The following ABCC1 variants were observed in gnomAD, a reference collection of about 807,000 sequenced individuals.
The protein encoded by ABCC1 is ATP binding cassette subfamily C member 1 (ABCC1 blood group), also known as multidrug resistance-associated protein 1.
A neutral mutation model predicts 172.9 loss-of-function variants in ABCC1; 83 were observed. That is an observed-to-expected ratio of 0.48 (90% CI 0.40 to 0.58). The LOEUF is 0.58. Among genes scored for constraint, ABCC1 ranks in the 20% least tolerant of loss-of-function variants. The pLI is 0.00. For synonymous variants in ABCC1, 937 were observed against 825.2 expected, an observed-to-expected ratio of 1.14 and a Z score of -2.32; for missense variants, 1,817 against 2,002.7, an observed-to-expected ratio of 0.91 and a Z score of 1.77.
At chr16:16,134,216 C>T in intron 27 of ABCC1, 134 bp from the exon 28 acceptor site, 1 of 1,103,036 alleles carries the variant, frequency 9.1e-7, no homozygotes, top group Non-Finnish European at 1.3e-6. Flanking sequence ...GGGCAGCGCG[C>T]AAGGGAGAGG....
At chr16:16,102,165 T>A (rs1307553157) in intron 19 of ABCC1, among the ~76,000 whole-genome samples, 1 of 152,256 alleles carries the variant, frequency 6.6e-6, no homozygotes, top group Non-Finnish European at 1.5e-5. Flanking sequence ...GGCCTCTGCC[T>A]GTTGGCTGAT....
chr16:15,953,813 C>T (rs530787702), intron 1 of ABCC1, among the ~76,000 whole-genome samples: 4 of 152,202 alleles, frequency 2.6e-5, no homozygotes, highest in East Asian at 1.9e-4. Flanking sequence ...GGAAGAATAT[C>T]TTAGAAGCTA....
intron 23 of ABCC1, among the ~76,000 whole-genome samples, chr16:16,116,001 C>T (rs989615978): frequency 3.3e-5 from 5 of 151,900 alleles, no homozygotes; most frequent in Non-Finnish European, 7.4e-5. Flanking sequence ...CTCTCGGGTT[C>T]ACACCATTCT....
intron 1 of ABCC1, among the ~76,000 whole-genome samples, chr16:15,957,717 C>G (rs1241515782): frequency 6.6e-6 from 1 of 152,104 alleles, no homozygotes; most frequent in Non-Finnish European, 1.5e-5. Context: ...CTCAGCCTCC[C>G]CAGTAGCTGG....
At chr16:16,029,860 A>T (rs1000785205) in intron 5 of ABCC1, among the ~76,000 whole-genome samples, 4 of 152,178 alleles carry the variant, frequency 2.6e-5, no homozygotes, top group African/African-American at 9.6e-5. Context: ...GACAAAAAAC[A>T]TGTATATGTG....
chr16:16,136,749 C>T, intron 29 of ABCC1, 105 bp downstream of exon 29: 11 of 1,307,252 alleles, frequency 8.4e-6, no homozygotes, highest in Middle Eastern at 4.8e-4. Context: ...GGATTTGAGT[C>T]CCAGATGACC....
At chr16:16,004,657 C>CTTTTT (rs66530759) in intron 1 of ABCC1, among the ~76,000 whole-genome samples, 3 of 112,130 alleles carry the variant, frequency 2.7e-5, no homozygotes, top group East Asian at 5.0e-4. Context: ...GTAAGGTTTA[C>CTTTTT]TTTTTTTTTT....
intron 24 of ABCC1, among the ~76,000 whole-genome samples, chr16:16,123,485 A>C (rs2045258760): frequency 6.6e-6 from 1 of 151,856 alleles, no homozygotes; most frequent in Admixed American, 6.6e-5. Context: ...AAATACAAAA[A>C]AATTAGCCGG....
chr16:16,068,996 A>G (rs1459307608), intron 13 of ABCC1, among the ~76,000 whole-genome samples: 2 of 148,518 alleles, frequency 1.3e-5, no homozygotes, highest in African/African-American at 4.9e-5. Flanking sequence ...TCAAAATTAA[A>G]AAAAAAAAAA....
At chr16:16,101,434 C>T (rs1395249218) in intron 19 of ABCC1, among the ~76,000 whole-genome samples, 5 of 152,154 alleles carry the variant, frequency 3.3e-5, no homozygotes, top group African/African-American at 9.7e-5. Context: ...GATCTGCAGC[C>T]CCCTCTTCCC....
chr16:16,014,677 G>T (rs549143951), intron 4 of ABCC1, 49 bp downstream of exon 4: 17 of 1,603,964 alleles, frequency 1.1e-5, no homozygotes, highest in Non-Finnish European at 1.4e-5. Context: ...CCCGGAGGGA[G>T]AGATGCTGGG....
chr16:16,097,304 C>T (rs1006965201), intron 19 of ABCC1, among the ~76,000 whole-genome samples: 16 of 152,022 alleles, frequency 1.1e-4, no homozygotes, highest in African/African-American at 3.6e-4. Flanking sequence ...GTAGAGACGG[C>T]GTTGTGCCAC....
At chr16:16,105,057 G>A (rs546377164) in intron 20 of ABCC1, among the ~76,000 whole-genome samples, 12 of 152,160 alleles carry the variant, frequency 7.9e-5, no homozygotes, top group Non-Finnish European at 1.6e-4. Flanking sequence ...GCCTTGGCCA[G>A]CCCAGAAAGG....
rs758684872 is a variant in ABCC1, at chr16:16,016,539, A to G, written c.533A>G (p.Tyr178Cys). 3 of 1,614,040 alleles carry G rather than the reference A, an allele frequency of 1.9e-6. No individual in the cohort carries two copies. Among genetic ancestry groups the G allele is most frequent in the South Asian group, 1.1e-5 (1 of 91,066 alleles). The change falls in exon 5 of 31, where the codon TAC (tyrosine) becomes TGC (cysteine). Residue 178 changes from tyrosine (Y) to cysteine (C), a missense_variant. Physicochemically the swap from Tyr to Cys is radical, Grantham distance 194. Transcript: ENST00000399410. ...DLFRDITFYVYFSLLLIQLVL... is the reference protein window; with the variant it reads ...DLFRDITFYVCFSLLLIQLVL... ...TTTCGTGACATCACTTTCTACGTCT[A>G]CTTTTCCCTCTTACTCATTCAGCTC...
chr16:16,098,912 G>C (rs1224787695), intron 19 of ABCC1: 2 of 1,352,032 alleles, frequency 1.5e-6, no homozygotes, highest in Non-Finnish European at 9.8e-7. Flanking sequence ...GGTCAGTACT[G>C]CCCGGGTTGG....
At chr16:15,988,450 C>G (rs1016011283) in intron 1 of ABCC1, among the ~76,000 whole-genome samples, 11 of 152,126 alleles carry the variant, frequency 7.2e-5, no homozygotes, top group African/African-American at 2.7e-4. Flanking sequence ...TGCAGTGTCC[C>G]CAGACATATC....
At chr16:16,103,358 T>A (rs1197394025) in intron 20 of ABCC1, among the ~76,000 whole-genome samples, 1 of 152,092 alleles carries the variant, frequency 6.6e-6, no homozygotes, top group Admixed American at 6.5e-5. Context: ...GGCGGGCGGA[T>A]CACCTGAGGA....
chr16:15,999,804 T>TCC (rs1234008934), intron 1 of ABCC1, among the ~76,000 whole-genome samples: 1 of 31,572 alleles, frequency 3.2e-5, no homozygotes, highest in Non-Finnish European at 9.0e-5. Flanking sequence ...TCTCTCTCTC[T>TCC]CTCTCCTCTC....
intron 6 of ABCC1, among the ~76,000 whole-genome samples, chr16:16,034,118 A>C (rs548744197): frequency 1.6e-5 from 2 of 128,244 alleles, no homozygotes; most frequent in South Asian, 4.9e-4. Flanking sequence ...GTCCCAATCT[A>C]CTGGGCTTAG....
Sources: allele counts gnomAD v4.1 joint callset (sites outside exome capture counted in the v4.1 genomes callset), GRCh38; gene constraint gnomAD v4.1.1; transcripts MANE v1.5; gene names NCBI Gene and HGNC (gene_info 2026-07-23, HGNC 2026-07-21).